SDR39U1: variants seen among roughly 807,000 people sequenced by gnomAD.
SDR39U1 encodes the protein short chain dehydrogenase/reductase family 39U member 1, also known as epimerase family protein SDR39U1.
A neutral mutation model predicts 31.7 loss-of-function variants in SDR39U1; 29 were observed. That is an observed-to-expected ratio of 0.92 (90% CI 0.68 to 1.25). The LOEUF (loss-of-function observed/expected upper bound fraction) is 1.25, where lower values mean the gene tolerates loss of function less well. Among genes scored for constraint, SDR39U1 ranks in the 50% most tolerant of loss-of-function variants. SDR39U1 has a pLI of 0.00. For synonymous variants in SDR39U1, 147 were observed against 159.0 expected, an observed-to-expected ratio of 0.92 and a Z score of 0.57; for missense variants, 403 against 378.4, an observed-to-expected ratio of 1.06 and a Z score of -0.54.
intron 1 of SDR39U1, 90 bp downstream of exon 1, chr14:24,442,664 G>A: frequency 2.0e-6 from 3 of 1,519,446 alleles, no homozygotes; most frequent in Non-Finnish European, 2.7e-6. Context: ...GGTTGCCTGT[G>A]CACTAGACAG....
chr14:24,442,322 C>A, intron 2 of SDR39U1, 24 bp downstream of exon 2: 1 of 1,606,480 alleles, frequency 6.2e-7, no homozygotes, highest in African/African-American at 1.3e-5. Context: ...TGCCCTCCCA[C>A]CCGCTTCCAG....
chr14:24,441,833 A>G, intron 3 of SDR39U1, 38 bp from the exon 4 acceptor site: 1 of 1,581,776 alleles, frequency 6.3e-7, no homozygotes, highest in Non-Finnish European at 8.6e-7. Flanking sequence ...GCCACTAAAT[A>G]CATAAGTGCA....
chr14:24,442,714 C>T, intron 1 of SDR39U1, 40 bp downstream of exon 1: 1 of 1,613,564 alleles, frequency 6.2e-7, no homozygotes, highest in Non-Finnish European at 8.5e-7. Context: ...CAATCTCCGA[C>T]TAAGCCCGCC....
chr14:24,440,575 CCT>C, intron 5 of SDR39U1, 83 bp from the exon 6 acceptor site: 1 of 1,481,134 alleles, frequency 6.8e-7, no homozygotes. Context: ...GTTTCCCCTT[CCT>C]CACTCTCCCC....
At position 24,440,859 on chromosome 14, in the gene SDR39U1, GA is replaced by G. The variant is rs1296648647; in HGVS notation, c.395del (p.Phe132SerfsTer5). 6.2e-7 allele frequency: 1 copy of G among 1,613,990 alleles called. No individual in the cohort carries two copies. The highest frequency in any genetic ancestry group is 8.5e-7 in the Non-Finnish European group (1 of 1,179,866). ...CTTCCCATTTGGTTACGAGGTTGGA[GA>G]AAAAGTCAAAGTCCCCTCCTGGGCT... ...EDSPGGDFDF[F>X]SNLVTKWEAA... On this transcript the variant is annotated frameshift_variant, in exon 5 of 6. Transcript: ENST00000399395. LOFTEE classifies it high-confidence loss of function.
Position 24,440,290 on chromosome 14 carries a change from A to G in SDR39U1, c.675T>C (p.Asn225=). The stretch of plus-strand genomic sequence containing the variant: ...CACCCAAGGTCTGGGCAAACTCAGC[A>G]TTAGTGGCGGAGGATGGAGCCACTC... ...LNGVAPSSAT[N]AEFAQTLGAA... Residue 225 remains asparagine, a synonymous_variant, in exon 6 of 6, where the codon AAT becomes AAC. Coordinates refer to ENST00000399395, the MANE Select transcript of SDR39U1 (RefSeq NM_020195.3). 1.2e-6 allele frequency: 2 copies of G among 1,614,032 alleles called. No homozygotes were observed. Among genetic ancestry groups the G allele is most frequent in the South Asian group, 1.1e-5 (1 of 91,088 alleles).
chr14:24,441,914 T>C, intron 3 of SDR39U1, 119 bp from the exon 4 acceptor site: 1 of 1,414,854 alleles, frequency 7.1e-7, no homozygotes, highest in Non-Finnish European at 9.7e-7. Context: ...GAATTTCGGC[T>C]TAAGAGAAAC....
intron 1 of SDR39U1, 74 bp from the exon 2 acceptor site, chr14:24,442,526 C>G (rs755750206): frequency 1.3e-5 from 18 of 1,407,468 alleles, no homozygotes; most frequent in Non-Finnish European, 1.7e-5. Context: ...CGCTGTGGCA[C>G]CCTCTTCCGG....
intron 4 of SDR39U1, chr14:24,441,453 C>T: frequency 1.9e-6 from 1 of 521,012 alleles, no homozygotes; most frequent in Non-Finnish European, 3.3e-6. Flanking sequence ...GATAGGTGGA[C>T]TTTTCCCTGG....
At position 24,440,499 on chromosome 14, in the gene SDR39U1, C is replaced by A; in HGVS notation, c.473-7G>T. The A allele has an allele frequency of 1.3e-6, 2 of 1,597,978 alleles. No individual in the cohort carries two copies. Among genetic ancestry groups the A allele is most frequent in the Admixed American group, 1.7e-5 (1 of 57,206 alleles). On this transcript the variant is annotated splice_region_variant and splice_polypyrimidine_tract_variant and intron_variant, in intron 5 of 5. Transcript: ENST00000399395. ...CCACGGCCCAGCACAACCCCTAGAG[C>A]AGGAAAGAGGGAAGGTACAGGGGTC... is the stretch of plus-strand genomic sequence containing the variant.
chr14:24,440,119 TG>T lies in SDR39U1; in HGVS notation c.845del (p.Pro282GlnfsTer3), dbSNP rs1469791515. The T allele has an allele frequency of 1.2e-5, 20 of 1,610,356 alleles. No homozygotes were observed. The highest frequency in any genetic ancestry group is 1.6e-5 in the Non-Finnish European group (19 of 1,177,244). On this transcript the variant is annotated frameshift_variant, in exon 6 of 6. Transcript: ENST00000399395. LOFTEE classifies it high-confidence loss of function. ...TLATGYQYSFPELGAALKEIV... is the reference protein window; with the variant it reads ...TLATGYQYSFXELGAALKEIV... The stretch of plus-strand genomic sequence containing the variant: ...TTTCCTTTAAGGCAGCCCCTAGCTC[TG>T]GGAAGGAATACTGGTAGCCAGTGGC...
At chr14:24,442,052 G>A in intron 3 of SDR39U1, 126 bp downstream of exon 3, 1 of 1,542,466 alleles carries the variant, frequency 6.5e-7, no homozygotes, top group Non-Finnish European at 8.7e-7. Context: ...AGCAGAATGA[G>A]TAGTCTGGGA....
intron 4 of SDR39U1, chr14:24,441,382 C>T (rs2043334843): frequency 6.4e-6 from 3 of 470,940 alleles, no homozygotes; most frequent in Non-Finnish European, 1.1e-5. Context: ...TTACTTGGTC[C>T]CAAAGGTGAC....
intron 3 of SDR39U1, 141 bp downstream of exon 3, chr14:24,442,029 GGTGGAGGA>G: frequency 1.3e-6 from 2 of 1,513,952 alleles, no homozygotes; most frequent in Non-Finnish European, 1.8e-6. Flanking sequence ...AGCAGGTGGG[GGTGGAGGA>G]GTGGAGCAGA....
intron 3 of SDR39U1, 115 bp from the exon 4 acceptor site, chr14:24,441,910 C>T (rs11158704): frequency 0.88 from 1,264,578 of 1,438,128 alleles, 561,564 homozygotes; most frequent in Non-Finnish European, 0.9. Context: ...CCCTGAATTT[C>T]GGCTTAAGAG....
rs766837607 is a variant in SDR39U1 at position 24,440,904 on chromosome 14, A to G, written c.351T>C (p.Thr117=). Reference sequence around the variant, plus strand: ...CTGGGCTGTCTTCATCATACTCCGCAGTCAGACTGGGCTGGTAGTAAGCTG... The same window carrying G: ...CTGGGCTGTCTTCATCATACTCCGCGGTCAGACTGGGCTGGTAGTAAGCTG... ...TGVAYYQPSL[T]AEYDEDSPGG... The change falls in exon 5 of 6, where the codon ACT becomes ACC. Residue 117 remains threonine (T), a synonymous_variant. Coordinates refer to ENST00000399395, the MANE Select transcript of SDR39U1 (RefSeq NM_020195.3). The G allele has an allele frequency of 6.2e-7, 1 of 1,614,048 alleles. No individual in the cohort carries two copies. Among genetic ancestry groups the G allele is most frequent in the South Asian group, 1.1e-5 (1 of 91,090 alleles).
rs750653087 is a variant in SDR39U1 at position 24,441,771 on chromosome 14, C to T, written c.231G>A (p.Glu77=). ...TGGTCTCTAGGCGGCTGCCGATTAC[C>T]TCTTTTTGGAAGGTTTCATTCCATC... ...LRRWNETFQK[E]VIGSRLETTQ... is the part of the protein sequence containing the mutation. The change falls in exon 4 of 6, where the codon GAG becomes GAA. Residue 77 remains glutamate (E), a synonymous_variant. Transcript: ENST00000399395. 3 of 1,604,442 alleles carry T rather than the reference C, an allele frequency of 1.9e-6. No homozygotes were observed. Among genetic ancestry groups the T allele is most frequent in the South Asian group, 2.2e-5 (2 of 89,226 alleles).
At chr14:24,442,587 A>T (rs770807555) in intron 1 of SDR39U1, 135 bp from the exon 2 acceptor site, 8 of 1,228,028 alleles carry the variant, frequency 6.5e-6, no homozygotes, top group Non-Finnish European at 8.4e-6. Context: ...CCTCCTCGCG[A>T]TGCAGAGGTG....
chr14:24,440,337 G>C lies in SDR39U1; in HGVS notation c.628C>G (p.His210Asp). The change falls in exon 6 of 6, where the codon CAC (histidine) becomes GAC (aspartate). Residue 210 changes from histidine to aspartate, a missense_variant. Coordinates refer to ENST00000399395, the MANE Select transcript of SDR39U1 (RefSeq NM_020195.3). ...ACTCCATTCAGGACCCCGTGCACGT[G>C]GTTTGCTTCAAGGGCATGGGTCAGG... The part of the protein sequence containing the change: ...GILTHALEAN[H>D]VHGVLNGVAP... The C allele has an allele frequency of 6.2e-7, 1 of 1,614,040 alleles. No individual in the cohort carries two copies. The highest frequency in any genetic ancestry group is 8.5e-7 in the Non-Finnish European group (1 of 1,179,900).
Sources: allele counts gnomAD v4.1 joint callset, GRCh38; gene constraint gnomAD v4.1.1; transcripts MANE v1.5; gene names NCBI Gene and HGNC (gene_info 2026-07-23, HGNC 2026-07-21).